The following MRPS9 variants were observed in gnomAD, a reference collection of about 807,000 sequenced individuals.
The protein encoded by MRPS9 is small ribosomal subunit protein uS9m.
MRPS9 carries 45 observed loss-of-function variants against 59.9 expected under a neutral mutation model. The ratio of observed to expected loss-of-function variants is 0.75; its 90% CI spans 0.59 to 0.96. The LOEUF is 0.96. MRPS9 is among the 40% of genes least tolerant of loss of function. The probability of loss-of-function intolerance (pLI) is 0.00; values close to 1 mark genes in which losing one functional copy is unlikely to be tolerated. For synonymous variants in MRPS9, 171 were observed against 166.8 expected, an observed-to-expected ratio of 1.03 and a Z score of -0.19; for missense variants, 473 against 481.1, an observed-to-expected ratio of 0.98 and a Z score of 0.16.
At chr2:105,093,497 A>C (rs375274277) in intron 8 of MRPS9, 33 bp from the exon 9 acceptor site, 1 of 1,344,724 alleles carries the variant, frequency 7.4e-7, no homozygotes, top group African/African-American at 1.5e-5. Context: ...GGTCTTCAAG[A>C]TATTTACTAA....
chr2:105,092,542 C>A lies in MRPS9; in HGVS notation c.793C>A (p.Gln265Lys). 2 of 1,599,054 alleles carry A rather than the reference C, an allele frequency of 1.3e-6. No individual in the cohort carries two copies. The highest frequency in any genetic ancestry group is 1.7e-6 in the Non-Finnish European group (2 of 1,173,766). Residue 265 changes from glutamine to lysine, a missense_variant, in exon 8 of 11, where the codon CAA (glutamine) becomes AAA (lysine). By Grantham distance (53) the Gln-to-Lys change is moderately conservative (BLOSUM62 1). Transcript: ENST00000258455. ...GATTGAACCTGTACAGTATGATGAG[C>A]AAGGAATGGCCTTTAGCAAAAGTGA... ...QLIEPVQYDE[Q>K]GMAFSKSEGK...
chr2:105,044,736 C>T (rs954813879), intron 1 of MRPS9, among the ~76,000 whole-genome samples: 1 of 152,092 alleles, frequency 6.6e-6, no homozygotes, highest in East Asian at 1.9e-4. Flanking sequence ...CTTCAATAAT[C>T]GAGACTCTTT....
intron 1 of MRPS9, among the ~76,000 whole-genome samples, chr2:105,040,868 C>T (rs1487484826): frequency 6.6e-6 from 1 of 152,098 alleles, no homozygotes; most frequent in East Asian, 1.9e-4. Context: ...GGCAGCTTCC[C>T]AGAGGAGGCA....
intron 2 of MRPS9, among the ~76,000 whole-genome samples, chr2:105,063,710 G>A (rs1466992851): frequency 6.6e-6 from 1 of 152,146 alleles, no homozygotes; most frequent in African/African-American, 2.4e-5. Context: ...TCTGAATATA[G>A]TCTATAGCAG....
chr2:105,087,263 TGATG>T (rs1680466792), intron 5 of MRPS9, among the ~76,000 whole-genome samples: 1 of 152,184 alleles, frequency 6.6e-6, no homozygotes, highest in Admixed American at 6.5e-5. Context: ...CTGCTGCAGG[TGATG>T]GATATGTACT....
At chr2:105,061,246 G>A (rs1327749191) in intron 2 of MRPS9, among the ~76,000 whole-genome samples, 3 of 152,014 alleles carry the variant, frequency 2.0e-5, no homozygotes, top group African/African-American at 7.3e-5. Flanking sequence ...TAAAACAGTC[G>A]GATGTGTGGC....
chr2:105,047,303 A>G (rs1359792896), intron 1 of MRPS9, among the ~76,000 whole-genome samples: 1 of 152,108 alleles, frequency 6.6e-6, no homozygotes, highest in Non-Finnish European at 1.5e-5. Context: ...TTTCTTACTC[A>G]TTAAAAAGTA....
At chr2:105,066,451 A>G (rs571078563) in intron 2 of MRPS9, among the ~76,000 whole-genome samples, 1 of 152,310 alleles carries the variant, frequency 6.6e-6, no homozygotes, top group Admixed American at 6.5e-5. Flanking sequence ...CATCCTTTGC[A>G]ATCAATGCTT....
In MRPS9 at chr2:105,061,245, C is replaced by T. The variant is rs78974985; in HGVS notation, c.316-10068C>T. Among the ~76,000 whole-genome samples, 337 of 151,830 alleles carry T rather than the reference C, an allele frequency of 2.2e-3. 11 individuals carry two copies. In the East Asian group the frequency reaches 0.059, roughly 26 times the overall value. ...TACAGGCAGTCAAAACTAAAACAGT[C>T]GGATGTGTGGCACTGAGCTGGTTTT... On this transcript the variant is annotated intron_variant, in intron 2 of 10. Transcript: ENST00000258455.
chr2:105,097,191 G>GC lies in MRPS9; in HGVS notation c.967dup (p.Leu323ProfsTer51). 6.3e-7 allele frequency: 1 copy of GC among 1,599,828 alleles called. No homozygotes were observed. The highest frequency in any genetic ancestry group is 8.5e-7 in the Non-Finnish European group (1 of 1,173,608). On this transcript the variant is annotated frameshift_variant, in exon 10 of 11. Coordinates refer to ENST00000258455, the MANE Select transcript of MRPS9 (RefSeq NM_182640.3). LOFTEE classifies it high-confidence loss of function. ...TGTTCCCTTTCCACTTTGTTGACCG[G>GC]CTGGGAAAGCACGACGTGACCTGCA...
intron 4 of MRPS9, among the ~76,000 whole-genome samples, chr2:105,077,055 T>C (rs1680224554): frequency 6.6e-6 from 1 of 152,130 alleles, no homozygotes; most frequent in Non-Finnish European, 1.5e-5. Context: ...AAGACCAGCC[T>C]GGCCAACATG....
rs751155585 is a variant in MRPS9, at chr2:105,061,109, C to CAA, written c.316-10178_316-10177dup. ...TGGGCGACAGAGCAGGACTCTGTCTCAAAAAAAAAAAAAAAAAAAAAAAAA... is the reference window on the plus strand; with the variant it reads ...TGGGCGACAGAGCAGGACTCTGTCTCAAAAAAAAAAAAAAAAAAAAAAAAAAA... On this transcript the variant is annotated intron_variant, in intron 2 of 10. Transcript: ENST00000258455. Among the ~76,000 whole-genome samples, 209 of 47,972 alleles carry CAA rather than the reference C, an allele frequency of 4.4e-3. 20 individuals carry two copies. Among genetic ancestry groups the CAA allele is most frequent in the African/African-American group, 5.0e-3 (63 of 12,682 alleles). 31.5% of individuals were successfully genotyped at this position (47,972 alleles called of 152,430 possible). A position where few individuals can be genotyped will look rare whatever the true frequency, so the allele number is the denominator to read the frequency against.
chr2:105,095,068 G>A (rs1051857833), intron 9 of MRPS9, among the ~76,000 whole-genome samples: 2 of 152,318 alleles, frequency 1.3e-5, no homozygotes, highest in Admixed American at 6.5e-5. Context: ...CCTAGTCTTG[G>A]TGGGAATGGG....
chr2:105,045,015 C>T (rs933159509), intron 1 of MRPS9, among the ~76,000 whole-genome samples: 37 of 151,960 alleles, frequency 2.4e-4, no homozygotes, highest in Non-Finnish European at 1.3e-4. Flanking sequence ...TTCATAGTGG[C>T]TGCAGTAAGC....
At chr2:105,098,842 TTATAAAAGCAA>T (rs1412226664) in intron 10 of MRPS9, among the ~76,000 whole-genome samples, 1 of 152,184 alleles carries the variant, frequency 6.6e-6, no homozygotes, top group Non-Finnish European at 1.5e-5. Flanking sequence ...ATTTACATAT[TTATAAAAGCAA>T]TGTAAGAGCT....
At chr2:105,038,471 G>A (rs750101159) in intron 1 of MRPS9, 10 of 514,414 alleles carry the variant, frequency 1.9e-5, no homozygotes, top group Admixed American at 3.3e-5. Context: ...TAGAAGTGGA[G>A]CGACCTCCTC....
At chr2:105,091,941 A>C (rs1356743865) in intron 7 of MRPS9, among the ~76,000 whole-genome samples, 2 of 152,214 alleles carry the variant, frequency 1.3e-5, no homozygotes, top group Non-Finnish European at 2.9e-5. Flanking sequence ...ACAGCCAAAG[A>C]TATATTTGCC....
At chr2:105,079,447 C>T (rs1385556900) in intron 4 of MRPS9, among the ~76,000 whole-genome samples, 1 of 152,110 alleles carries the variant, frequency 6.6e-6, no homozygotes, top group Admixed American at 6.5e-5. Context: ...GAATTACACC[C>T]AACACCTTTT....
intron 4 of MRPS9, among the ~76,000 whole-genome samples, chr2:105,077,603 A>G (rs1680239172): frequency 6.6e-6 from 1 of 152,246 alleles, no homozygotes; most frequent in African/African-American, 2.4e-5. Flanking sequence ...AGAGTCCAGA[A>G]CAATAAACTC....
Sources: allele counts gnomAD v4.1 joint callset (sites outside exome capture counted in the v4.1 genomes callset), GRCh38; gene constraint gnomAD v4.1.1; transcripts MANE v1.5; gene names NCBI Gene and HGNC (gene_info 2026-07-23, HGNC 2026-07-21).